The following SLC71A2 variants were observed in gnomAD, a reference collection of about 807,000 sequenced individuals.
SLC71A2 encodes solute carrier family 71 member 2.
the SLC71A2 span, among the ~76,000 whole-genome samples, chr9:94,423,005 C>T: frequency 2.0e-5 from 3 of 146,750 alleles, no homozygotes; most frequent in African/African-American, 5.0e-5. Flanking sequence ...GGTGCGATAT[C>T]GGTTCACTGC....
chr9:94,375,309 C>T, the SLC71A2 span, among the ~76,000 whole-genome samples: 1 of 151,800 alleles, frequency 6.6e-6, no homozygotes, highest in Admixed American at 6.5e-5. Flanking sequence ...AAGTTGGCGG[C>T]AGATGCCGGG....
At chr9:94,401,651 G>T in the SLC71A2 span, among the ~76,000 whole-genome samples, 1 of 152,104 alleles carries the variant, frequency 6.6e-6, no homozygotes, top group East Asian at 1.9e-4. Context: ...CAAGGACCAG[G>T]TTCTTTCCAT....
chr9:94,449,612 A>G, the SLC71A2 span, among the ~76,000 whole-genome samples: 1,215 of 152,354 alleles, frequency 8.0e-3, 17 homozygotes, highest in African/African-American at 0.028. Flanking sequence ...GAGCCCTCAT[A>G]CTTGCTGGTG....
chr9:94,422,732 T>C, the SLC71A2 span, among the ~76,000 whole-genome samples: 15 of 152,198 alleles, frequency 9.9e-5, no homozygotes, highest in African/African-American at 3.6e-4. Context: ...CATATATTTA[T>C]TGGCCATGTG....
At chr9:94,445,150 C>G in the SLC71A2 span, 1 of 1,613,750 alleles carries the variant, frequency 6.2e-7, no homozygotes, top group Non-Finnish European at 8.5e-7. Context: ...CTGGGGAGCT[C>G]AGATTTCTTG....
At chr9:94,400,531 A>G in the SLC71A2 span, among the ~76,000 whole-genome samples, 3 of 149,632 alleles carry the variant, frequency 2.0e-5, no homozygotes, top group East Asian at 5.9e-4. Flanking sequence ...ACAACTGATA[A>G]TATTTGTTGC....
chr9:94,447,062 T>A, the SLC71A2 span: 1 of 575,452 alleles, frequency 1.7e-6, no homozygotes, highest in Non-Finnish European at 3.1e-6. Flanking sequence ...GTTACAAATG[T>A]AGGTGCTGGC....
At chr9:94,414,443 G>A in the SLC71A2 span, among the ~76,000 whole-genome samples, 27 of 152,238 alleles carry the variant, frequency 1.8e-4, no homozygotes, top group African/African-American at 5.8e-4. Context: ...AAAGTCATCC[G>A]AGCTGCCCCT....
At chr9:94,440,700 A>G in the SLC71A2 span, among the ~76,000 whole-genome samples, 2 of 152,048 alleles carry the variant, frequency 1.3e-5, no homozygotes, top group Admixed American at 1.3e-4. Context: ...TCTGTTGGCT[A>G]CCTTTAAAAA....
chr9:94,458,465 G>A, the SLC71A2 span: 2 of 1,613,516 alleles, frequency 1.2e-6, no homozygotes, highest in Non-Finnish European at 1.7e-6. Context: ...TCCCCTGCAG[G>A]TAATTTGGTC....
At chr9:94,374,999 A>G in the SLC71A2 span, 1 of 1,083,760 alleles carries the variant, frequency 9.2e-7, no homozygotes, top group Non-Finnish European at 1.2e-6. Flanking sequence ...AGGGCCCGCG[A>G]GCCCGCCGCT....
At chr9:94,402,100 C>T in the SLC71A2 span, among the ~76,000 whole-genome samples, 8 of 152,160 alleles carry the variant, frequency 5.3e-5, no homozygotes, top group Non-Finnish European at 1.2e-4. Flanking sequence ...TTACTGTAAC[C>T]TGCTTTATCA....
the SLC71A2 span, among the ~76,000 whole-genome samples, chr9:94,439,021 C>CGTTTTTT: frequency 1.3e-5 from 1 of 75,852 alleles, no homozygotes. Flanking sequence ...AATTTGAGTT[C>CGTTTTTT]GTTTTTTTTT....
At chr9:94,459,875 A>AT in the SLC71A2 span, 32 of 163,738 alleles carry the variant, frequency 2.0e-4, no homozygotes, top group Non-Finnish European at 1.3e-4. Context: ...GAATCAGCCC[A>AT]TAGGTGTTGA....
At chr9:94,422,123 A>AT in the SLC71A2 span, among the ~76,000 whole-genome samples, 1 of 152,052 alleles carries the variant, frequency 6.6e-6, no homozygotes, top group Non-Finnish European at 1.5e-5. Context: ...GCGTCAAGTG[A>AT]TTCACCCGCT....
the SLC71A2 span, among the ~76,000 whole-genome samples, chr9:94,418,374 A>G: frequency 6.6e-6 from 1 of 152,138 alleles, no homozygotes; most frequent in Non-Finnish European, 1.5e-5. Context: ...TTTTAACTGC[A>G]GCATTTCCAC....
At chr9:94,398,890 TGCAA>T in the SLC71A2 span, among the ~76,000 whole-genome samples, 3 of 130,038 alleles carry the variant, frequency 2.3e-5, no homozygotes, top group African/African-American at 8.8e-5. Context: ...CTTGGCTCAC[TGCAA>T]CCTCCGCCTC....
chr9:94,444,912 C>A, the SLC71A2 span: 1 of 1,531,804 alleles, frequency 6.5e-7, no homozygotes, highest in Non-Finnish European at 9.0e-7. Flanking sequence ...GATATGCTTT[C>A]CCCAGAGGTG....
At chr9:94,400,568 G>GA in the SLC71A2 span, among the ~76,000 whole-genome samples, 86,089 of 136,768 alleles carry the variant, frequency 0.63, 27,038 homozygotes, top group South Asian at 0.72. Context: ...GCTTCCAAAT[G>GA]AAAAAAAAAA....
Sources: allele counts gnomAD v4.1 joint callset (sites outside exome capture counted in the v4.1 genomes callset), GRCh38; gene constraint gnomAD v4.1.1; transcripts MANE v1.5; gene names NCBI Gene and HGNC (gene_info 2026-07-23, HGNC 2026-07-21).